Variants in TRIM5 observed in about 807,000 individuals in gnomAD.
The protein encoded by TRIM5 is tripartite motif containing 5.
Under a neutral mutation model 35.6 loss-of-function variants are expected in TRIM5, and 31 were observed. That is an observed-to-expected ratio of 0.87 (90% CI 0.65 to 1.18). The LOEUF (loss-of-function observed/expected upper bound fraction) is 1.18, where lower values mean the gene tolerates loss of function less well. TRIM5 is among the 50% of genes most tolerant of loss of function. TRIM5 has a pLI of 0.00. For synonymous variants in TRIM5, 243 were observed against 215.6 expected (o/e 1.13, Z -1.11); for missense variants, 609 against 591.6 (o/e 1.03, Z -0.31).
the TRIM5 span, chr11:5,643,656 T>G: frequency 6.2e-7 from 1 of 1,613,906 alleles, no homozygotes. Context: ...TTATCCATAT[T>G]TCAATCCTTG....
At chr11:5,649,700 G>A in the TRIM5 span, among the ~76,000 whole-genome samples, 3 of 152,176 alleles carry the variant, frequency 2.0e-5, no homozygotes, top group South Asian at 2.1e-4. Context: ...GCAGCAGAGC[G>A]TAATGTTGCA....
Position 5,678,354 on chromosome 11 carries a change from A to T in TRIM5, c.594T>A (p.Asn198Lys). The part of the protein sequence containing the change: ...LRDILDWEES[N>K]ELQNLEKEEE... ...CCTCCTTCTCCAGGTTTTGCAGCTC[A>T]TTGCTCTCCTCCCAGTCCAGGATGT... Residue 198 changes from asparagine (N) to lysine (K), a missense_variant, in exon 4 of 8, where the codon AAT (asparagine) becomes AAA (lysine). By Grantham distance (94) the Asn-to-Lys change is moderately conservative. Coordinates refer to ENST00000380034, the MANE Select transcript of TRIM5 (RefSeq NM_033034.3). The T allele has an allele frequency of 6.2e-7, 1 of 1,612,990 alleles. No individual in the cohort carries two copies. Among genetic ancestry groups the T allele is most frequent in the Non-Finnish European group, 8.5e-7 (1 of 1,179,188 alleles).
the TRIM5 span, chr11:5,595,308 T>TA: frequency 6.6e-6 from 1 of 152,212 alleles, no homozygotes; most frequent in African/African-American, 2.4e-5. Context: ...ACCCTGTAGT[T>TA]AGAGTTCTGA....
At chr11:5,653,932 C>T in the TRIM5 span, among the ~76,000 whole-genome samples, 2 of 152,060 alleles carry the variant, frequency 1.3e-5, no homozygotes, top group Admixed American at 1.3e-4. Flanking sequence ...TTGATTTAGT[C>T]TATTGTTAAT....
chr11:5,634,661 CA>C, the TRIM5 span: 1 of 1,613,444 alleles, frequency 6.2e-7, no homozygotes, highest in African/African-American at 1.3e-5. Context: ...ACAAAGGATA[CA>C]AACAGAATTT....
At chr11:5,596,549 T>TTCCCCCTTCCCCTCCCCCCG in the TRIM5 span, 1 of 45,860 alleles carries the variant, frequency 2.2e-5, no homozygotes, top group Admixed American at 3.3e-4. Context: ...CCCTTCCCCC[T>TTCCCCCTTCCCCTCCCCCCG]TCCCCCTTCC....
the TRIM5 span, among the ~76,000 whole-genome samples, chr11:5,639,964 C>CA: frequency 1.3e-5 from 2 of 152,086 alleles, no homozygotes; most frequent in East Asian, 1.9e-4. Context: ...AAGCATTTAT[C>CA]ATTTGTTTGT....
At chr11:5,636,859 T>C in the TRIM5 span, among the ~76,000 whole-genome samples, 1 of 152,124 alleles carries the variant, frequency 6.6e-6, no homozygotes, top group East Asian at 1.9e-4. Context: ...TAAGATATAA[T>C]CTGTTGGCGG....
the TRIM5 span, chr11:5,608,395 G>C: frequency 3.1e-6 from 5 of 1,613,694 alleles, no homozygotes; most frequent in Non-Finnish European, 4.2e-6. Context: ...TCACAGAAAG[G>C]TATGTGTAAG....
the TRIM5 span, among the ~76,000 whole-genome samples, chr11:5,615,763 T>C: frequency 6.6e-6 from 1 of 151,100 alleles, no homozygotes; most frequent in Non-Finnish European, 1.5e-5. Context: ...CCGGCTAATA[T>C]TGTATTTTTA....
At chr11:5,673,936 G>GA (rs574974281) in intron 4 of TRIM5, among the ~76,000 whole-genome samples, 11 of 146,240 alleles carry the variant, frequency 7.5e-5, no homozygotes, top group South Asian at 4.3e-4. Context: ...CACTATATCA[G>GA]AAAAAAAAAG....
downstream of TRIM5, among the ~76,000 whole-genome samples, chr11:5,661,157 A>G (rs1850810870): frequency 6.7e-6 from 1 of 150,358 alleles, no homozygotes; most frequent in Non-Finnish European, 1.5e-5. Context: ...GAATAGGATC[A>G]AGGAGCTCAG....
intron 4 of TRIM5, among the ~76,000 whole-genome samples, chr11:5,675,810 C>T (rs1851925972): frequency 1.5e-5 from 2 of 136,476 alleles, no homozygotes; most frequent in African/African-American, 5.3e-5. Context: ...ACTAACTCGT[C>T]ATCTAGCATT....
At chr11:5,600,220 C>G in the TRIM5 span, among the ~76,000 whole-genome samples, 1 of 152,116 alleles carries the variant, frequency 6.6e-6, no homozygotes, top group Admixed American at 6.5e-5. Context: ...CAACACCGGC[C>G]CCGCCACTTG....
chr11:5,605,382 C>T, the TRIM5 span: 2 of 1,614,138 alleles, frequency 1.2e-6, no homozygotes, highest in South Asian at 2.2e-5. Context: ...AGAGTTTAAT[C>T]AGCTGCGAAA....
At chr11:5,645,034 T>C in the TRIM5 span, among the ~76,000 whole-genome samples, 8 of 152,180 alleles carry the variant, frequency 5.3e-5, no homozygotes, top group Non-Finnish European at 1.2e-4. Flanking sequence ...AAAAAAGTGA[T>C]TATATTTGAC....
chr11:5,679,913 C>T lies in TRIM5; in HGVS notation c.265G>A (p.Gly89Arg). The T allele has an allele frequency of 6.2e-7, 1 of 1,613,988 alleles. No homozygotes were observed. Among genetic ancestry groups the T allele is most frequent in the Non-Finnish European group, 8.5e-7 (1 of 1,180,010 alleles). Residue 89 changes from glycine to arginine, a missense_variant, in exon 2 of 8, where the codon GGG becomes AGG. Transcript: ENST00000380034. ...CGTGCACAATGATCAACTTTCTGCC[C>T]CTCTGGGCTCAACTTGACCTCCCTG... ...KLREVKLSPE[G>R]QKVDHCARHG...
intron 4 of TRIM5, among the ~76,000 whole-genome samples, chr11:5,672,303 C>T (rs1851640990): frequency 6.6e-6 from 1 of 152,078 alleles, no homozygotes; most frequent in African/African-American, 2.4e-5. Context: ...CCTCTGCCTC[C>T]CAGGTTCAAG....
the TRIM5 span, chr11:5,645,892 T>TATATAG: frequency 6.0e-6 from 1 of 166,408 alleles, no homozygotes; most frequent in African/African-American, 2.8e-5. Flanking sequence ...TATATATATA[T>TATATAG]ATATCTATAT....
Sources: gnomAD v4.1 joint callset for allele counts (sites outside exome capture counted in the v4.1 genomes callset) on GRCh38, gnomAD v4.1.1 for gene constraint, MANE v1.5 for transcripts, NCBI Gene and HGNC (gene_info 2026-07-23, HGNC 2026-07-21) for gene names.